The following PSMB2 variants were observed in gnomAD, a reference collection of about 807,000 sequenced individuals.
PSMB2 encodes the protein proteasome subunit beta type-2.
A neutral mutation model predicts 25.7 loss-of-function variants in PSMB2; 13 were observed. The observed-to-expected ratio is 0.51, with a 90% CI of 0.33 to 0.80. PSMB2 has a LOEUF of 0.80. Ranked by LOEUF, PSMB2 falls within the 30% of genes least tolerant of loss-of-function variation. The probability of loss-of-function intolerance (pLI) is 0.02; values close to 1 mark genes in which losing one functional copy is unlikely to be tolerated. For missense variants in PSMB2, 202 were observed against 259.0 expected (o/e 0.78, Z 1.51); for synonymous variants, 87 against 96.2 (o/e 0.90, Z 0.56).
chr1:35,625,893 G>T lies in PSMB2; in HGVS notation c.285+5381C>A, dbSNP rs1217372655. Reference sequence around the variant, plus strand: ...GCTCTGTCACCCAGGCTGGAGTGCAGTGGCATGATCTCAGCTCACTGCAAC... The same window carrying T: ...GCTCTGTCACCCAGGCTGGAGTGCATTGGCATGATCTCAGCTCACTGCAAC... On this transcript the variant is annotated intron_variant, in intron 3 of 5. Coordinates refer to ENST00000373237, the MANE Select transcript of PSMB2 (RefSeq NM_002794.5). Among the ~76,000 whole-genome samples the T allele has an allele frequency of 2.0e-5, 3 of 152,022 alleles. No individual in the cohort carries two copies. The East Asian group carries it at 5.8e-4, about 30-fold the overall frequency.
chr1:35,616,978 G>T (rs548598897), intron 3 of PSMB2, among the ~76,000 whole-genome samples: 1 of 152,152 alleles, frequency 6.6e-6, no homozygotes, highest in Non-Finnish European at 1.5e-5. Flanking sequence ...ACCTTTCCTA[G>T]CTCTAAAAGA....
chr1:35,624,921 C>T (rs1356538077), intron 3 of PSMB2, among the ~76,000 whole-genome samples: 1 of 152,090 alleles, frequency 6.6e-6, no homozygotes, highest in African/African-American at 2.4e-5. Flanking sequence ...ATTAGCCAGG[C>T]ATGGTGGTGC....
chr1:35,635,761 G>A lies in PSMB2; in HGVS notation c.214+549C>T, dbSNP rs539276816. Reference sequence around the variant, plus strand: ...GGAGAATCGCTTGAACCTGGGAGGCGGAGGTTGCAGTAAGCAGAGATCGCG... The same window carrying A: ...GGAGAATCGCTTGAACCTGGGAGGCAGAGGTTGCAGTAAGCAGAGATCGCG... On this transcript the variant is annotated intron_variant, in intron 2 of 5. Coordinates refer to ENST00000373237, the MANE Select transcript of PSMB2 (RefSeq NM_002794.5). 7.3e-5 allele frequency among the ~76,000 whole-genome samples: 11 copies of A among 150,228 alleles called. 1 individual carries two copies. The Middle Eastern group carries it at 0.01, about 140-fold the overall frequency.
chr1:35,635,015 T>G (rs1459107309), intron 2 of PSMB2, among the ~76,000 whole-genome samples: 4 of 151,902 alleles, frequency 2.6e-5, no homozygotes, highest in Non-Finnish European at 5.9e-5. Context: ...ATCCCAGAAC[T>G]TTGGGAGGCC....
Position 35,600,807 on chromosome 1 carries a change from G to A in PSMB2, c.*2460C>T, listed in dbSNP as rs982268786. 19 of 985,320 alleles carry A rather than the reference G, an allele frequency of 1.9e-5. No homozygotes were observed. The highest frequency in any genetic ancestry group is 3.5e-5 in the African/African-American group (2 of 57,238). The allele number at this position is 985,320 out of a possible 1,614,324, so 61.0% of individuals were successfully genotyped here. A position where few individuals can be genotyped will look rare whatever the true frequency, so the allele number is the denominator to read the frequency against. On this transcript the variant is annotated 3_prime_UTR_variant, in exon 6 of 6. Transcript: ENST00000373237. Reference sequence around the variant, plus strand: ...CACTTACATTCAAAGGCAGAGAACCGTATGTCATCCCTGGTGAGGCCTGAA... The same window carrying A: ...CACTTACATTCAAAGGCAGAGAACCATATGTCATCCCTGGTGAGGCCTGAA...
intron 1 of PSMB2, among the ~76,000 whole-genome samples, chr1:35,640,367 T>C (rs1651360804): frequency 6.6e-6 from 1 of 152,204 alleles, no homozygotes; most frequent in Non-Finnish European, 1.5e-5. Context: ...TTGGTATTGC[T>C]AATCTTAAAG....
intron 4 of PSMB2, 36 bp downstream of exon 4, chr1:35,609,210 C>G: frequency 6.7e-7 from 1 of 1,499,870 alleles, no homozygotes; most frequent in Non-Finnish European, 8.9e-7. Context: ...GGGCAGGGCT[C>G]TGCCACTGCT....
chr1:35,632,205 T>C (rs901579559), intron 2 of PSMB2, among the ~76,000 whole-genome samples: 8 of 152,234 alleles, frequency 5.3e-5, no homozygotes, highest in Admixed American at 2.6e-4. Flanking sequence ...TTTTTAAAAA[T>C]AGAGTATCTC....
At position 35,629,388 on chromosome 1, in the gene PSMB2, T is replaced by C. The variant is rs968526697; in HGVS notation, c.285+1886A>G. On this transcript the variant is annotated intron_variant, in intron 3 of 5. Transcript: ENST00000373237. Reference sequence around the variant, plus strand: ...CACAATCTTTAATGCATTCAATCCTTAACTTAGTGTTGCATCTTTTAACAT... The same window carrying C: ...CACAATCTTTAATGCATTCAATCCTCAACTTAGTGTTGCATCTTTTAACAT... Among the ~76,000 whole-genome samples, 3 of 152,228 alleles carry C rather than the reference T, an allele frequency of 2.0e-5. No homozygotes were observed. In the South Asian group the frequency reaches 6.2e-4, roughly 32 times the overall value.
At chr1:35,628,648 T>C (rs687274) in intron 3 of PSMB2, among the ~76,000 whole-genome samples, 41 of 34,738 alleles carry the variant, frequency 1.2e-3, no homozygotes, top group African/African-American at 2.4e-3. Context: ...TTTTTTTTTT[T>C]AAAGAAAAGA....
intron 5 of PSMB2, 131 bp from the exon 6 acceptor site, chr1:35,603,505 G>A: frequency 9.1e-7 from 1 of 1,095,674 alleles, no homozygotes; most frequent in East Asian, 2.6e-5. Flanking sequence ...TCTACTGGAG[G>A]CAGTTGGCAG....
chr1:35,631,357 A>G lies in PSMB2; in HGVS notation c.215-13T>C. 1 of 1,613,456 alleles carries G rather than the reference A, an allele frequency of 6.2e-7. No individual in the cohort carries two copies. The highest frequency in any genetic ancestry group is 8.5e-7 in the Non-Finnish European group (1 of 1,179,352). On this transcript the variant is annotated splice_polypyrimidine_tract_variant and intron_variant, in intron 2 of 5. Coordinates refer to ENST00000373237, the MANE Select transcript of PSMB2 (RefSeq NM_002794.5). ...GACAATTCATATCCTGGTAGAAGAG[A>G]TAAAGAGTCATACTTAAAGTAAAGC...
chr1:35,621,610 CT>C (rs1008886135), intron 3 of PSMB2, among the ~76,000 whole-genome samples: 5 of 151,234 alleles, frequency 3.3e-5, no homozygotes, highest in African/African-American at 7.3e-5. Flanking sequence ...AAATCTGGCC[CT>C]TTTTTTTTCA....
In PSMB2 at chr1:35,639,895, T is replaced by C. The variant is rs981456510; in HGVS notation, c.91+1447A>G. Among the ~76,000 whole-genome samples the C allele has an allele frequency of 7.2e-5, 11 of 152,314 alleles. No homozygotes were observed. The Middle Eastern group carries it at 0.01, about 141-fold the overall frequency. ...AAGTATAAGGTGCTATGTTAAGTGA[T>C]TTACATTAATTCATTAACCTTTTGA... On this transcript the variant is annotated intron_variant, in intron 1 of 5. Coordinates refer to ENST00000373237, the MANE Select transcript of PSMB2 (RefSeq NM_002794.5).
At chr1:35,640,252 A>T (rs947264601) in intron 1 of PSMB2, among the ~76,000 whole-genome samples, 1 of 152,130 alleles carries the variant, frequency 6.6e-6, no homozygotes, top group Non-Finnish European at 1.5e-5. Context: ...TCATTTGACA[A>T]ATATGTTTGG....
At chr1:35,607,013 A>C (rs1378826358) in intron 4 of PSMB2, among the ~76,000 whole-genome samples, 3 of 152,198 alleles carry the variant, frequency 2.0e-5, no homozygotes, top group African/African-American at 7.2e-5. Context: ...AGAAGAATGA[A>C]ACCAGACCCT....
intron 3 of PSMB2, among the ~76,000 whole-genome samples, chr1:35,625,144 A>T (rs1022900096): frequency 4.6e-5 from 7 of 152,194 alleles, no homozygotes; most frequent in Non-Finnish European, 1.0e-4. Flanking sequence ...AAACCACTAC[A>T]TCAGGCTGGA....
chr1:35,622,252 G>A (rs1397285551), intron 3 of PSMB2, among the ~76,000 whole-genome samples: 1 of 152,256 alleles, frequency 6.6e-6, no homozygotes, highest in East Asian at 1.9e-4. Context: ...GAGGCACCAA[G>A]ATGCCAGGAT....
At position 35,601,244 on chromosome 1, in the gene PSMB2, T is replaced by A. The variant is rs1649988966; in HGVS notation, c.*2023A>T. 3.3e-6 allele frequency: 2 copies of A among 603,910 alleles called. No individual in the cohort carries two copies. The highest frequency in any genetic ancestry group is 4.1e-6 in the Non-Finnish European group (2 of 482,248). The allele number at this position is 603,910 out of a possible 1,614,324, so 37.4% of individuals were successfully genotyped here. ...ACCACGCCTGGCTAATTGTTATATATTTTTTTAGTAGAGATGGGGTTTCAC... is the reference window on the plus strand; with the variant it reads ...ACCACGCCTGGCTAATTGTTATATAATTTTTTAGTAGAGATGGGGTTTCAC... On this transcript the variant is annotated 3_prime_UTR_variant, in exon 6 of 6. Coordinates refer to ENST00000373237, the MANE Select transcript of PSMB2 (RefSeq NM_002794.5).
Sources: allele counts gnomAD v4.1 joint callset (sites outside exome capture counted in the v4.1 genomes callset), GRCh38; gene constraint gnomAD v4.1.1; transcripts MANE v1.5; gene names NCBI Gene and HGNC (gene_info 2026-07-23, HGNC 2026-07-21).